CDH18: variants seen among roughly 807,000 people sequenced by gnomAD.
The protein encoded by CDH18 is cadherin-18.
Under a neutral mutation model 67.9 loss-of-function variants are expected in CDH18, and 31 were observed. That is an observed-to-expected ratio of 0.46 (90% confidence interval 0.34 to 0.62). CDH18 has a LOEUF of 0.62. Ranked by LOEUF, CDH18 falls within the 20% of genes least tolerant of loss-of-function variation. The pLI is 0.01. For missense variants in CDH18, 890 were observed against 975.5 expected, an observed-to-expected ratio of 0.91 and a Z score of 1.17; for synonymous variants, 362 against 347.2, an observed-to-expected ratio of 1.04 and a Z score of -0.48.
intron 2 of CDH18, among the ~76,000 whole-genome samples, chr5:19,919,819 T>C (rs1202935365): frequency 1.3e-5 from 2 of 152,196 alleles, no homozygotes; most frequent in Non-Finnish European, 2.9e-5. Context: ...TTATATAGTG[T>C]GGACATACAG....
intron 4 of CDH18, among the ~76,000 whole-genome samples, chr5:19,724,692 C>G (rs1017812286): frequency 1.3e-5 from 2 of 151,938 alleles, no homozygotes; most frequent in Non-Finnish European, 2.9e-5. Context: ...ACATGCAAAT[C>G]TACAATGGTC....
At chr5:20,058,333 C>A (rs906086460) in intron 2 of CDH18, among the ~76,000 whole-genome samples, 1 of 151,980 alleles carries the variant, frequency 6.6e-6, no homozygotes, top group Non-Finnish European at 1.5e-5. Flanking sequence ...CTATTATACC[C>A]GACTTTACTA....
Position 19,486,665 on chromosome 5 carries a change from C to T in CDH18, c.1631-3113G>A, listed in dbSNP as rs184495146. Among the ~76,000 whole-genome samples the T allele has an allele frequency of 8.0e-3, 1,212 of 152,020 alleles. 8 individuals carry two copies. Among genetic ancestry groups the T allele is most frequent in the Admixed American group, 0.017 (252 of 15,252 alleles). ...AAAATTAGCTGGGTGTGGTGGCGGGCGCCTATAATCTCAGCTACTTGGGAG... is the reference window on the plus strand; with the variant it reads ...AAAATTAGCTGGGTGTGGTGGCGGGTGCCTATAATCTCAGCTACTTGGGAG... On this transcript the variant is annotated intron_variant, in intron 11 of 12. Transcript: ENST00000382275.
chr5:20,499,631 A>G (rs1754126350), intron 1 of CDH18, among the ~76,000 whole-genome samples: 1 of 152,150 alleles, frequency 6.6e-6, no homozygotes, highest in Admixed American at 6.6e-5. Flanking sequence ...GCTCAGAGTC[A>G]GTGAAGGTGT....
At chr5:19,828,680 T>C (rs1434120764) in intron 3 of CDH18, among the ~76,000 whole-genome samples, 2 of 152,086 alleles carry the variant, frequency 1.3e-5, no homozygotes, top group East Asian at 3.9e-4. Context: ...TCTGGTAAAA[T>C]ACAACATCGC....
intron 1 of CDH18, among the ~76,000 whole-genome samples, chr5:20,287,117 T>G (rs555984698): frequency 6.6e-6 from 1 of 151,958 alleles, no homozygotes; most frequent in South Asian, 2.1e-4. Context: ...ACTGTTATTC[T>G]ATGCCTAAGT....
intron 4 of CDH18, among the ~76,000 whole-genome samples, chr5:19,741,258 T>TATACATATATAC (rs1769138942): frequency 7.0e-6 from 1 of 143,252 alleles, no homozygotes; most frequent in Non-Finnish European, 1.5e-5. Flanking sequence ...TGTATATATG[T>TATACATATATAC]ATACATATAT....
chr5:19,934,272 G>A (rs928961276), intron 2 of CDH18, among the ~76,000 whole-genome samples: 1 of 151,574 alleles, frequency 6.6e-6, no homozygotes. Context: ...AGGACTTAAT[G>A]TGCTGGATGA....
intron 10 of CDH18, among the ~76,000 whole-genome samples, chr5:19,511,082 G>T (rs962630874): frequency 3.3e-5 from 5 of 152,064 alleles, no homozygotes; most frequent in Non-Finnish European, 7.3e-5. Flanking sequence ...AAAGTACTGG[G>T]ATTACAGGCA....
intron 5 of CDH18, among the ~76,000 whole-genome samples, chr5:19,704,611 A>T (rs1458588033): frequency 6.6e-6 from 1 of 152,154 alleles, no homozygotes; most frequent in Non-Finnish European, 1.5e-5. Flanking sequence ...ATTATTTTTG[A>T]TGGCAGCCAT....
intron 2 of CDH18, among the ~76,000 whole-genome samples, chr5:20,202,222 AG>A (rs1214742712): frequency 1.3e-5 from 2 of 152,192 alleles, no homozygotes; most frequent in Non-Finnish European, 2.9e-5. Flanking sequence ...AGGAAAATAC[AG>A]GGACACCTGT....
chr5:20,436,813 A>G (rs58626214), intron 1 of CDH18, among the ~76,000 whole-genome samples: 19 of 139,896 alleles, frequency 1.4e-4, no homozygotes, highest in Admixed American at 1.1e-3. Flanking sequence ...AAACTAAAAA[A>G]CCAAAAAAAA....
chr5:19,980,472 A>C (rs73050981), intron 2 of CDH18, among the ~76,000 whole-genome samples: 6,958 of 152,198 alleles, frequency 0.046, 391 homozygotes, highest in African/African-American at 0.13. Flanking sequence ...ATATGTGTTC[A>C]TATGTATTTG....
At chr5:19,544,594 CTTCAA>C (rs1735997660) in intron 8 of CDH18, among the ~76,000 whole-genome samples, 2 of 152,050 alleles carry the variant, frequency 1.3e-5, no homozygotes, top group East Asian at 1.9e-4. Flanking sequence ...ATTTTTCCCT[CTTCAA>C]TTCATGTAAT....
chr5:19,851,434 C>CAAAAAAAAAAA (rs1561441335), intron 2 of CDH18, among the ~76,000 whole-genome samples: 1 of 144,908 alleles, frequency 6.9e-6, no homozygotes, highest in Non-Finnish European at 1.5e-5. Flanking sequence ...AAAAAAAAAA[C>CAAAAAAAAAAA]AAACCCAAAA....
chr5:19,769,747 T>C (rs1487989027), intron 3 of CDH18, among the ~76,000 whole-genome samples: 1 of 151,916 alleles, frequency 6.6e-6, no homozygotes, highest in Admixed American at 6.6e-5. Context: ...TATAGATAAA[T>C]TATATACATT....
At chr5:20,017,246 TC>T (rs1302508914) in intron 2 of CDH18, among the ~76,000 whole-genome samples, 1 of 152,182 alleles carries the variant, frequency 6.6e-6, no homozygotes, top group African/African-American at 2.4e-5. Context: ...AGAGTCATTT[TC>T]TTTTTCTTAA....
chr5:20,466,123 T>A (rs554099591), intron 1 of CDH18, among the ~76,000 whole-genome samples: 1 of 152,160 alleles, frequency 6.6e-6, no homozygotes, highest in Non-Finnish European at 1.5e-5. Context: ...TCTGTATTGA[T>A]TGTTCTGAAG....
chr5:19,889,396 AC>A (rs1188055453), intron 2 of CDH18, among the ~76,000 whole-genome samples: 1 of 152,012 alleles, frequency 6.6e-6, no homozygotes, highest in Admixed American at 6.6e-5. Flanking sequence ...AACTTAAATG[AC>A]CATGTGTTTC....
Sources: allele counts gnomAD v4.1 joint callset (sites outside exome capture counted in the v4.1 genomes callset), GRCh38; gene constraint gnomAD v4.1.1; transcripts MANE v1.5; gene names NCBI Gene and HGNC (gene_info 2026-07-23, HGNC 2026-07-21).